The following SLC13A3 variants were observed in gnomAD, a reference collection of about 807,000 sequenced individuals.
The protein encoded by SLC13A3 is solute carrier family 13 member 3.
A neutral mutation model predicts 59.0 loss-of-function variants in SLC13A3; 40 were observed. That is an observed-to-expected ratio of 0.68 (90% confidence interval 0.53 to 0.88). SLC13A3 has a LOEUF of 0.88. Ranked by LOEUF, SLC13A3 falls within the 40% of genes least tolerant of loss-of-function variation. The probability of loss-of-function intolerance (pLI) is 0.00; values close to 1 mark genes in which losing one functional copy is unlikely to be tolerated. For synonymous variants in SLC13A3, 317 were observed against 330.3 expected (o/e 0.96, Z 0.44); for missense variants, 699 against 783.2 (o/e 0.89, Z 1.28).
upstream of SLC13A3, among the ~76,000 whole-genome samples, chr20:46,671,655 C>G (rs1384838911): frequency 6.6e-6 from 1 of 151,528 alleles, no homozygotes. Context: ...CAGGGAGAAG[C>G]AGGATTGGGC....
intron 10 of SLC13A3, among the ~76,000 whole-genome samples, chr20:46,568,843 C>A (rs1220332180): frequency 6.6e-6 from 1 of 152,240 alleles, no homozygotes; most frequent in Non-Finnish European, 1.5e-5. Context: ...GGGCTTCCAG[C>A]CAGCATCCTC....
intron 1 of SLC13A3, among the ~76,000 whole-genome samples, chr20:46,666,834 A>C (rs767989365): frequency 1.5e-4 from 23 of 152,032 alleles, no homozygotes; most frequent in Non-Finnish European, 1.9e-4. Flanking sequence ...AAAGCCTATG[A>C]CTTTTTTAGA....
At chr20:46,588,300 C>T in intron 7 of SLC13A3, 137 bp from the exon 8 acceptor site, 1 of 551,326 alleles carries the variant, frequency 1.8e-6, no homozygotes, top group Non-Finnish European at 3.2e-6. Flanking sequence ...CATCCACTCC[C>T]CAGGGAGTGC....
intron 3 of SLC13A3, 86 bp downstream of exon 3, chr20:46,610,359 CT>C (rs1289813227): frequency 7.3e-7 from 1 of 1,369,910 alleles, no homozygotes; most frequent in Non-Finnish European, 1.0e-6. Flanking sequence ...TGTGCATGCC[CT>C]TGGCCTTCCC....
intron 1 of SLC13A3, among the ~76,000 whole-genome samples, chr20:46,617,335 C>T (rs2062566327): frequency 6.6e-6 from 1 of 152,086 alleles, no homozygotes. Flanking sequence ...CTGGCCATGC[C>T]AACCAATAAA....
At chr20:46,571,655 A>G (rs966340165) in intron 10 of SLC13A3, among the ~76,000 whole-genome samples, 2 of 152,156 alleles carry the variant, frequency 1.3e-5, no homozygotes, top group African/African-American at 4.8e-5. Context: ...TGGAGCTTCC[A>G]TTCTAGTAAG....
intron 1 of SLC13A3, among the ~76,000 whole-genome samples, chr20:46,661,331 A>G (rs183937391): frequency 1.3e-5 from 2 of 152,220 alleles, no homozygotes; most frequent in Admixed American, 1.3e-4. Flanking sequence ...AATCGGTTTT[A>G]CCCGTAGTAT....
intron 3 of SLC13A3, among the ~76,000 whole-genome samples, chr20:46,602,770 C>T (rs370368995): frequency 1.5e-4 from 23 of 152,290 alleles, no homozygotes; most frequent in African/African-American, 5.3e-4. Context: ...ACCCAAATGT[C>T]ATTGGTAATG....
intron 1 of SLC13A3, among the ~76,000 whole-genome samples, chr20:46,663,104 T>C (rs942915721): frequency 2.0e-5 from 3 of 152,046 alleles, no homozygotes; most frequent in South Asian, 2.1e-4. Context: ...CTGGGCAACA[T>C]AGTGAGATAT....
chr20:46,656,055 ATAC>A (rs1296838346), upstream of SLC13A3, among the ~76,000 whole-genome samples: 3 of 143,798 alleles, frequency 2.1e-5, no homozygotes, highest in African/African-American at 5.0e-5. Context: ...ATATATACAT[ATAC>A]TACAGTATAC....
rs541591894 is a variant in SLC13A3, at chr20:46,664,950, G to A, written c.-31+5093C>T. 5.3e-5 allele frequency among the ~76,000 whole-genome samples: 8 copies of A among 152,296 alleles called. No individual in the cohort carries two copies. The East Asian group carries it at 1.3e-3, about 26-fold the overall frequency. ...AGCCAGCCAGCAAGGACTCAAAGTA[G>A]GATCCTGAAAGCCCAAGTAGGGATT... On this transcript the variant is annotated intron_variant, in intron 1 of 12. Transcript: ENST00000290317.
intron 4 of SLC13A3, among the ~76,000 whole-genome samples, chr20:46,598,289 G>A (rs564883795): frequency 2.6e-4 from 40 of 152,334 alleles, no homozygotes; most frequent in Non-Finnish European, 4.3e-4. Context: ...GGAAACTACC[G>A]TCATGGTCTG....
chr20:46,612,107 CTT>C (rs1427878976), intron 2 of SLC13A3, among the ~76,000 whole-genome samples: 1 of 126,062 alleles, frequency 7.9e-6, no homozygotes, highest in Non-Finnish European at 1.7e-5. Flanking sequence ...TTCTTTCTCT[CTT>C]TCTCTCTCTC....
chr20:46,674,151 C>T (rs2063108569), upstream of SLC13A3, among the ~76,000 whole-genome samples: 1 of 152,132 alleles, frequency 6.6e-6, no homozygotes, highest in Admixed American at 6.5e-5. Flanking sequence ...CGGTTCCCCT[C>T]CCCTCCACCT....
At chr20:46,678,856 A>C (rs935774962) in intron 1 of SLC13A3, among the ~76,000 whole-genome samples, 6 of 152,014 alleles carry the variant, frequency 3.9e-5, no homozygotes, top group Non-Finnish European at 8.8e-5. Flanking sequence ...ATCCCTCGTG[A>C]ATGGCTTGGT....
At chr20:46,588,198 C>T (rs755065173) in intron 7 of SLC13A3, 35 bp from the exon 8 acceptor site, 4 of 1,397,018 alleles carry the variant, frequency 2.9e-6, no homozygotes, top group East Asian at 2.3e-5. Context: ...ATGGTGACCC[C>T]GGGTTTCAGG....
intron 5 of SLC13A3, among the ~76,000 whole-genome samples, chr20:46,593,541 T>G (rs912366089): frequency 2.6e-5 from 4 of 152,210 alleles, no homozygotes; most frequent in African/African-American, 4.8e-5. Flanking sequence ...TTCCTCCTTT[T>G]TCTCTACCTG....
At chr20:46,626,896 C>A (rs953576972) in intron 1 of SLC13A3, among the ~76,000 whole-genome samples, 1 of 133,434 alleles carries the variant, frequency 7.5e-6, no homozygotes, top group Non-Finnish European at 1.6e-5. Flanking sequence ...TGACCCCACG[C>A]ACCCCCTTCT....
In SLC13A3 at chr20:46,659,420, C is replaced by T. The variant is rs77076767; in HGVS notation, c.-31+10623G>A. On this transcript the variant is annotated intron_variant, in intron 1 of 12. Coordinates refer to the SLC13A3 transcript ENST00000290317. ...TATTATTTTAGGAACAATATAAGAG[C>T]CTTACAATAATGGTGGCCAAGTATG... 9.7e-4 allele frequency among the ~76,000 whole-genome samples: 148 copies of T among 152,140 alleles called. 1 individual carries two copies. Among genetic ancestry groups the T allele is most frequent in the African/African-American group, 3.5e-3 (145 of 41,502 alleles).
Sources: gnomAD v4.1 joint callset for allele counts (sites outside exome capture counted in the v4.1 genomes callset) on GRCh38, gnomAD v4.1.1 for gene constraint, MANE v1.5 for transcripts, NCBI Gene and HGNC (gene_info 2026-07-23, HGNC 2026-07-21) for gene names.